The following ARV1 variants were observed in gnomAD, a reference collection of about 807,000 sequenced individuals.
The protein encoded by ARV1 is ARV1 fatty acid homeostasis modulator, also known as protein ARV1.
A neutral mutation model predicts 31.1 loss-of-function variants in ARV1; 26 were observed. The ratio of observed to expected loss-of-function variants is 0.84; its 90% CI spans 0.61 to 1.16. The LOEUF (loss-of-function observed/expected upper bound fraction) is 1.16, where lower values mean the gene tolerates loss of function less well. ARV1 is among the 50% of genes most tolerant of loss of function. The pLI is 0.00. For synonymous variants in ARV1, 117 were observed against 123.2 expected (o/e 0.95, Z 0.34); for missense variants, 281 against 324.9 (o/e 0.86, Z 1.04).
At chr1:230,982,664 G>A (rs183603342) in intron 1 of ARV1, among the ~76,000 whole-genome samples, 2 of 152,268 alleles carry the variant, frequency 1.3e-5, no homozygotes, top group Admixed American at 6.5e-5. Flanking sequence ...AGTGTCTAAT[G>A]GCCTTGTCGC....
intron 3 of ARV1, chr1:230,990,614 GCA>G (rs1264404387): frequency 3.0e-6 from 1 of 331,412 alleles, no homozygotes; most frequent in Non-Finnish European, 6.0e-6. Flanking sequence ...GAGTGCAGTG[GCA>G]CAGTCACAGC....
intron 3 of ARV1, among the ~76,000 whole-genome samples, chr1:230,993,692 G>A (rs1679289870): frequency 1.3e-5 from 2 of 152,122 alleles, no homozygotes; most frequent in South Asian, 4.1e-4. Context: ...CTCGGAAGTT[G>A]GAAACCAGCC....
intron 3 of ARV1, among the ~76,000 whole-genome samples, chr1:230,992,480 A>G (rs1402743719): frequency 1.3e-5 from 2 of 152,154 alleles, no homozygotes; most frequent in African/African-American, 4.8e-5. Flanking sequence ...GGTACTTACT[A>G]TTTAACATAT....
At position 230,987,424 on chromosome 1, in the gene ARV1, G is replaced by A. The variant is rs1028429533; in HGVS notation, c.175-896G>A. ...TAGCATTGATGCATTTTTGTGAATA[G>A]TACTGCTTTAGAGGTCACATTTCTA... On this transcript the variant is annotated intron_variant, in intron 1 of 5. Transcript: ENST00000310256. Among the ~76,000 whole-genome samples the A allele has an allele frequency of 3.3e-5, 5 of 152,328 alleles. No individual in the cohort carries two copies. In the South Asian group the frequency reaches 8.3e-4, roughly 25 times the overall value.
chr1:230,991,598 A>G (rs1679228033), intron 3 of ARV1, among the ~76,000 whole-genome samples: 1 of 151,540 alleles, frequency 6.6e-6, no homozygotes, highest in Non-Finnish European at 1.5e-5. Flanking sequence ...GTCATCAGGA[A>G]ATCCCATTGG....
intron 2 of ARV1, among the ~76,000 whole-genome samples, chr1:230,988,820 C>T (rs988541818): frequency 1.3e-5 from 2 of 152,056 alleles, no homozygotes; most frequent in Non-Finnish European, 2.9e-5. Flanking sequence ...TTTTTTAAAA[C>T]ATAATTTATT....
At chr1:230,995,307 G>C (rs888405569) in intron 3 of ARV1, among the ~76,000 whole-genome samples, 1 of 152,144 alleles carries the variant, frequency 6.6e-6, no homozygotes, top group Non-Finnish European at 1.5e-5. Flanking sequence ...GTGGATAATA[G>C]GCACTTAAAT....
intron 5 of ARV1, among the ~76,000 whole-genome samples, chr1:230,999,336 G>C (rs1311950745): frequency 6.6e-6 from 1 of 152,206 alleles, no homozygotes; most frequent in Admixed American, 6.5e-5. Flanking sequence ...ACCCTCTCCT[G>C]CCTAAAGGTT....
intron 1 of ARV1, among the ~76,000 whole-genome samples, chr1:230,981,076 G>A (rs147751010): frequency 1.4e-4 from 21 of 152,134 alleles, no homozygotes; most frequent in African/African-American, 5.1e-4. Context: ...CCAGGATTCA[G>A]TGCTCTTCTT....
intron 5 of ARV1, among the ~76,000 whole-genome samples, chr1:230,998,956 G>T (rs1572345308): frequency 6.6e-6 from 1 of 152,054 alleles, no homozygotes; most frequent in East Asian, 1.9e-4. Flanking sequence ...CTTGTTTTCT[G>T]AGTCCTCCTC....
At chr1:230,987,936 A>C (rs1338711668) in intron 1 of ARV1, among the ~76,000 whole-genome samples, 1 of 152,240 alleles carries the variant, frequency 6.6e-6, no homozygotes, top group East Asian at 1.9e-4. Context: ...TTTATCAATG[A>C]AAGTGCATTA....
intron 3 of ARV1, among the ~76,000 whole-genome samples, chr1:230,992,664 G>A (rs115396016): frequency 9.2e-5 from 14 of 152,222 alleles, no homozygotes; most frequent in African/African-American, 1.4e-4. Context: ...ATTCATCCAC[G>A]CACTCTTAAC....
intron 1 of ARV1, among the ~76,000 whole-genome samples, chr1:230,985,529 C>T (rs1442075251): frequency 3.3e-5 from 5 of 152,208 alleles, no homozygotes; most frequent in Non-Finnish European, 1.5e-5. Flanking sequence ...ATTTGTCAAA[C>T]AAATGAATGC....
rs1679351318 is a variant in ARV1, at chr1:230,995,942, A to T, written c.631A>T (p.Ile211Phe). 1 of 1,614,022 alleles carries T rather than the reference A, an allele frequency of 6.2e-7. No individual in the cohort carries two copies. The highest frequency in any genetic ancestry group is 2.2e-5 in the East Asian group (1 of 44,872). The change falls in exon 4 of 6, where the codon ATT (isoleucine) becomes TTT (phenylalanine). Residue 211 changes from isoleucine to phenylalanine, a missense_variant. Physicochemically the swap from Ile to Phe is conservative, Grantham distance 21. Transcript: ENST00000310256. ...HDYTSVCLKLIKVFVLTSNFQ... is the reference protein window; with the variant it reads ...HDYTSVCLKLFKVFVLTSNFQ... The stretch of plus-strand genomic sequence containing the variant: ...CTACACATCTGTGTGCCTCAAACTC[A>T]TTAAAGTATTTGTTCTTACATCAAA...
At chr1:230,979,414 T>A in intron 1 of ARV1, 135 bp downstream of exon 1, 1 of 1,019,284 alleles carries the variant, frequency 9.8e-7, no homozygotes, top group Admixed American at 2.8e-5. Context: ...TGCATGAATA[T>A]CTGTACTGAT....
chr1:230,979,672 C>G (rs766701523), intron 1 of ARV1, among the ~76,000 whole-genome samples: 7 of 152,158 alleles, frequency 4.6e-5, no homozygotes, highest in Non-Finnish European at 8.8e-5. Flanking sequence ...ACCTACGATG[C>G]TTTTTAAAGG....
At chr1:230,998,422 T>G (rs1312435737) in intron 5 of ARV1, among the ~76,000 whole-genome samples, 1 of 152,218 alleles carries the variant, frequency 6.6e-6, no homozygotes, top group Non-Finnish European at 1.5e-5. Context: ...CTAATCCACC[T>G]TTTTGGGTCT....
At chr1:230,991,067 C>G (rs144822314) in intron 3 of ARV1, among the ~76,000 whole-genome samples, 1 of 152,274 alleles carries the variant, frequency 6.6e-6, no homozygotes, top group East Asian at 1.9e-4. Flanking sequence ...AATTTGGCTA[C>G]TCCTCAAAAT....
chr1:230,979,185 C>A lies in ARV1; in HGVS notation c.80C>A (p.Ser27Ter). 1.2e-6 allele frequency: 2 copies of A among 1,613,236 alleles called. No homozygotes were observed. The highest frequency in any genetic ancestry group is 1.1e-5 in the South Asian group (1 of 90,942). The change falls in exon 1 of 6, where the codon TCG becomes TAG. Residue 27 changes from serine (S) to a stop codon, truncating the protein, a stop_gained. Coordinates refer to ENST00000310256, the MANE Select transcript of ARV1 (RefSeq NM_022786.3). LOFTEE classifies it high-confidence loss of function. ...DGVAATPTAA[S>*]ASCQYRCIEC... ...GTGGCAGCGACTCCTACTGCTGCCT[C>A]GGCCTCCTGCCAGTACAGGTGCATC... is the stretch of plus-strand genomic sequence containing the variant.
Sources: gnomAD v4.1 joint callset for allele counts (sites outside exome capture counted in the v4.1 genomes callset) on GRCh38, gnomAD v4.1.1 for gene constraint, MANE v1.5 for transcripts, NCBI Gene and HGNC (gene_info 2026-07-23, HGNC 2026-07-21) for gene names.